The following TRPV6 variants were observed in gnomAD, a reference collection of about 807,000 sequenced individuals.
The protein encoded by TRPV6 is Alu-binding protein with zinc finger domain.
TRPV6 carries 39 observed loss-of-function variants against 79.0 expected under a neutral mutation model. The ratio of observed to expected loss-of-function variants is 0.49; its 90% CI spans 0.38 to 0.64. The LOEUF (loss-of-function observed/expected upper bound fraction) is 0.64. TRPV6 is among the 30% of genes least tolerant of loss of function. The pLI, the probability that TRPV6 is intolerant of heterozygous loss-of-function variation, is 0.00. For synonymous variants in TRPV6, 373 were observed against 391.9 expected, an observed-to-expected ratio of 0.95 and a Z score of 0.57; for missense variants, 813 against 1,011.1, an observed-to-expected ratio of 0.80 and a Z score of 2.66.
rs77932952 is a variant in TRPV6, at chr7:142,877,545, G to C, written c.469+106C>G. 1.7e-3 allele frequency: 2,618 copies of C among 1,523,590 alleles called. 51 individuals are homozygous for C. In the African/African-American group the frequency reaches 0.033, roughly 19 times the overall value. 94.4% of individuals were successfully genotyped at this position (1,523,590 alleles called of 1,614,324 possible). ...GACAGAGAAGAGAAAAAAAGAGTAGGAGGCTCAGATCCCCTGTGTCTTTCC... is the reference window on the plus strand; with the variant it reads ...GACAGAGAAGAGAAAAAAAGAGTAGCAGGCTCAGATCCCCTGTGTCTTTCC... On this transcript the variant is annotated intron_variant, in intron 3 of 14. Transcript: ENST00000359396.
intron 1 of TRPV6, 85 bp downstream of exon 1, chr7:142,885,300 CCAAA>C (rs1795281907): frequency 1.6e-5 from 24 of 1,468,410 alleles, no homozygotes; most frequent in Middle Eastern, 2.2e-4. Flanking sequence ...GCCAAAGGTG[CCAAA>C]CAAAGACGGG....
intron 1 of TRPV6, 71 bp from the exon 2 acceptor site, chr7:142,878,097 T>G (rs771109795): frequency 7.7e-7 from 1 of 1,300,310 alleles, no homozygotes; most frequent in Non-Finnish European, 1.1e-6. Context: ...GGCCCTGGCT[T>G]GACTCCATTA....
At chr7:142,875,329 G>A (rs1795035816) in intron 8 of TRPV6, 139 bp downstream of exon 8, 1 of 1,227,516 alleles carries the variant, frequency 8.1e-7, no homozygotes, top group Non-Finnish European at 1.1e-6. Context: ...TGTTTTTGTG[G>A]GCGTGCATTT....
chr7:142,877,118 C>T, intron 4 of TRPV6, 24 bp downstream of exon 4: 2 of 1,603,962 alleles, frequency 1.2e-6, no homozygotes, highest in Non-Finnish European at 1.7e-6. Context: ...ACTGCCCGTC[C>T]TCCAAGCCCA....
intron 12 of TRPV6, 54 bp downstream of exon 12, chr7:142,874,022 T>C: frequency 6.3e-7 from 1 of 1,587,798 alleles, no homozygotes; most frequent in Non-Finnish European, 8.6e-7. Context: ...CAGTGCCCCC[T>C]AGACTTCCTC....
Position 142,873,586 on chromosome 7 carries a change from G to T in TRPV6, c.1770C>A (p.Asp590Glu). The stretch of plus-strand genomic sequence containing the variant: ...AGGTGATGCTGTACATGAAGGGCAG[G>T]TCCACGTTGTAGTTGGCTGGGCCAT... The change falls in exon 13 of 15, where the codon GAC (aspartate) becomes GAA (glutamate). Residue 590 changes from aspartate (D) to glutamate (E), a missense_variant. This residue lies in a region of TRPV6 where 94 missense variants were observed against 194.0 expected (regional missense o/e 0.48). Coordinates refer to ENST00000359396, the MANE Select transcript of TRPV6 (RefSeq NM_018646.6). This position sits in a 1 kb window ranked among gnomAD's most constrained non-coding sequence, Gnocchi z 4.8. 1.2e-6 allele frequency: 2 copies of T among 1,614,206 alleles called. No individual in the cohort carries two copies. The highest frequency in any genetic ancestry group is 1.7e-6 in the Non-Finnish European group (2 of 1,180,036).
intron 1 of TRPV6, 66 bp downstream of exon 1, chr7:142,885,323 G>T: frequency 1.3e-6 from 2 of 1,514,538 alleles, no homozygotes; most frequent in Non-Finnish European, 1.8e-6. Flanking sequence ...GGAGGTGAGG[G>T]AGGGGTGAGG....
At position 142,873,563 on chromosome 7, in the gene TRPV6, G is replaced by A. The variant is rs753233555; in HGVS notation, c.1793C>T (p.Thr598Ile). 5 of 1,614,106 alleles carry A rather than the reference G, an allele frequency of 3.1e-6. No individual in the cohort carries two copies. The East Asian group carries it at 8.9e-5, about 29-fold the overall frequency. Reference sequence around the variant, plus strand: ...GGCGATGATGGCAAAGGCAGCATAGGTGATGCTGTACATGAAGGGCAGGTC... The same window carrying A: ...GGCGATGATGGCAAAGGCAGCATAGATGATGCTGTACATGAAGGGCAGGTC... The change falls in exon 13 of 15, where the codon ACC becomes ATC. Residue 598 changes from threonine (T) to isoleucine (I), a missense_variant. Coordinates refer to ENST00000359396, the MANE Select transcript of TRPV6 (RefSeq NM_018646.6). This position sits in a 1 kb window ranked among gnomAD's most constrained non-coding sequence, Gnocchi z 4.8.
chr7:142,878,332 G>A (rs761601534), intron 1 of TRPV6: 31 of 427,934 alleles, frequency 7.2e-5, no homozygotes, highest in Non-Finnish European at 9.1e-5. Flanking sequence ...TTTCAGGTAC[G>A]GAGGGGAGGA....
intron 11 of TRPV6, 51 bp downstream of exon 11, chr7:142,874,440 C>A: frequency 6.2e-7 from 1 of 1,608,394 alleles, no homozygotes; most frequent in Non-Finnish European, 8.5e-7. Context: ...GGACCGTCTG[C>A]TGACTGTGGC....
chr7:142,876,355 G>T (rs879244784), intron 6 of TRPV6, 53 bp downstream of exon 6: 7 of 1,576,494 alleles, frequency 4.4e-6, no homozygotes, highest in Non-Finnish European at 5.2e-6. Flanking sequence ...GGGCCAGCGG[G>T]ATAGGTTGAG....
Position 142,873,301 on chromosome 7 carries a change from C to T in TRPV6, c.1908+147G>A. The T allele has an allele frequency of 9.0e-7, 1 of 1,105,378 alleles. No individual in the cohort carries two copies. Among genetic ancestry groups the T allele is most frequent in the Non-Finnish European group, 1.3e-6 (1 of 760,448 alleles). 68.5% of individuals were successfully genotyped at this position (1,105,378 alleles called of 1,614,324 possible). ...TGCCTGGTTGAATTGCTAATCAGTG[C>T]TTCTGTACATTTTGCATGATTTTGC... On this transcript the variant is annotated intron_variant, in intron 13 of 14. Transcript: ENST00000359396. This position sits in a 1 kb window ranked among gnomAD's most constrained non-coding sequence, Gnocchi z 4.8.
chr7:142,873,516 G>A lies in TRPV6; in HGVS notation c.1840C>T (p.Leu614Phe). Residue 614 changes from leucine to phenylalanine, a missense_variant, in exon 13 of 15, where the codon CTC (leucine) becomes TTC (phenylalanine). Transcript: ENST00000359396. The surrounding 1 kb of genome is among the most constrained non-coding windows in gnomAD (Gnocchi z 4.8). ...TGAGTGTCGCCCATCATGGCAATGA[G>A]GAGGTTGAGCATGAGCAGTGTGGCG... is the stretch of plus-strand genomic sequence containing the variant. 1 of 1,614,222 alleles carries A rather than the reference G, an allele frequency of 6.2e-7. No homozygotes were observed. The highest frequency in any genetic ancestry group is 1.3e-5 in the African/African-American group (1 of 75,060).
In TRPV6 at chr7:142,873,429, C is replaced by G. The variant is rs1794986567; in HGVS notation, c.1908+19G>C. 1 of 1,611,440 alleles carries G rather than the reference C, an allele frequency of 6.2e-7. No homozygotes were observed. Among genetic ancestry groups the G allele is most frequent in the Admixed American group, 1.7e-5 (1 of 59,986 alleles). ...AGGGGATGACTTGCCCTAACCCTCC[C>G]TGCCACCAGGGGGCTCACCTGGGCC... On this transcript the variant is annotated intron_variant, in intron 13 of 14. Coordinates refer to ENST00000359396, the MANE Select transcript of TRPV6 (RefSeq NM_018646.6). The surrounding 1 kb of genome is among the most constrained non-coding windows in gnomAD (Gnocchi z 4.8).
In TRPV6 at chr7:142,873,341, C is replaced by G. The variant is rs1322509126; in HGVS notation, c.1908+107G>C. 1.7e-5 allele frequency: 25 copies of G among 1,482,254 alleles called. No individual in the cohort carries two copies. Among genetic ancestry groups the G allele is most frequent in the Non-Finnish European group, 2.3e-5 (25 of 1,092,264 alleles). 91.8% of individuals were successfully genotyped at this position (1,482,254 alleles called of 1,614,324 possible). A position where few individuals can be genotyped will look rare whatever the true frequency, so the allele number is the denominator to read the frequency against. Reference sequence around the variant, plus strand: ...CATGATTTTGCTAGCTTTGCCACAACTGTCCAAACATAAGTGGGGTGGAGA... The same window carrying G: ...CATGATTTTGCTAGCTTTGCCACAAGTGTCCAAACATAAGTGGGGTGGAGA... On this transcript the variant is annotated intron_variant, in intron 13 of 14. Coordinates refer to ENST00000359396, the MANE Select transcript of TRPV6 (RefSeq NM_018646.6). The surrounding 1 kb of genome is among the most constrained non-coding windows in gnomAD (Gnocchi z 4.8).
At chr7:142,882,876 T>C (rs1441468363) in intron 1 of TRPV6, 1 of 152,154 alleles carries the variant, frequency 6.6e-6, no homozygotes, top group Non-Finnish European at 1.5e-5. Context: ...GCTCCTTAGA[T>C]GACAAAGTGC....
Position 142,877,228 on chromosome 7 carries a change from C to T in TRPV6, c.521G>A (p.Arg174Gln), listed in dbSNP as rs150734746. Residue 174 changes from arginine to glutamine, a missense_variant, in exon 4 of 15, where the codon CGA becomes CAA. Physicochemically the swap from Arg to Gln is conservative, Grantham distance 43. Coordinates refer to ENST00000359396, the MANE Select transcript of TRPV6 (RefSeq NM_018646.6). ...ACTGGCCCTGCGGGCAAGCAGGGCT[C>T]GCACCAGGTTCATGTTCTGGTTCAC... is the stretch of plus-strand genomic sequence containing the variant. 3.2e-5 allele frequency: 51 copies of T among 1,614,216 alleles called. No homozygotes were observed. Among genetic ancestry groups the T allele is most frequent in the African/African-American group, 3.1e-4 (23 of 75,056 alleles).
rs546867709 is a variant in TRPV6, at chr7:142,871,626, T to C, written c.*81A>G. ...CCCCTGGGGCCTGGGAGATGAGACC[T>C]CTGGGTGTTTGGTTTTTGTTTTGTT... On this transcript the variant is annotated 3_prime_UTR_variant, in exon 15 of 15. Transcript: ENST00000359396. 14 of 1,506,724 alleles carry C rather than the reference T, an allele frequency of 9.3e-6. No individual in the cohort carries two copies. Among genetic ancestry groups the C allele is most frequent in the Non-Finnish European group, 1.2e-5 (13 of 1,118,836 alleles). 93.3% of individuals were successfully genotyped at this position (1,506,724 alleles called of 1,614,324 possible). A position where few individuals can be genotyped will look rare whatever the true frequency, so the allele number is the denominator to read the frequency against.
In TRPV6 at chr7:142,874,645, G is replaced by C. The variant is rs754643619; in HGVS notation, c.1418C>G (p.Ala473Gly). The stretch of plus-strand genomic sequence containing the variant: ...CACCATGGTCACCAGCACCATGAAG[G>C]CATAGGTGATGCTGGGGGAGCAGGG... Residue 473 changes from alanine (A) to glycine (G), a missense_variant, in exon 11 of 15, where the codon GCC (alanine) becomes GGC (glycine). Coordinates refer to ENST00000359396, the MANE Select transcript of TRPV6 (RefSeq NM_018646.6). 1 of 1,613,772 alleles carries C rather than the reference G, an allele frequency of 6.2e-7. No homozygotes were observed. The highest frequency in any genetic ancestry group is 2.2e-5 in the East Asian group (1 of 44,878).
Sources: allele counts gnomAD v4.1 joint callset, GRCh38; gene constraint gnomAD v4.1.1; regional missense constraint gnomAD v4.1.1; non-coding constraint Gnocchi (gnomAD v3.1); transcripts MANE v1.5; gene names NCBI Gene and HGNC (gene_info 2026-07-23, HGNC 2026-07-21).